Variants in EPHB1 observed in about 807,000 individuals in gnomAD.
The protein encoded by EPHB1 is EPH receptor B1.
In EPHB1, 30 loss-of-function variants were observed where a neutral mutation model predicts 94.4. That is an observed-to-expected ratio of 0.32 (90% CI 0.24 to 0.43). The LOEUF (loss-of-function observed/expected upper bound fraction) is 0.43. Ranked by LOEUF, EPHB1 falls within the 20% of genes least tolerant of loss-of-function variation. EPHB1 has a pLI of 1.00. For missense variants in EPHB1, 1,055 were observed against 1,308.3 expected (o/e 0.81, Z 2.99); for synonymous variants, 522 against 489.1 (o/e 1.07, Z -0.89).
intron 12 of EPHB1, among the ~76,000 whole-genome samples, chr3:135,218,266 T>C (rs1163274235): frequency 6.6e-6 from 1 of 152,196 alleles, no homozygotes; most frequent in African/African-American, 2.4e-5. Flanking sequence ...CAAATGCCAC[T>C]CTATCCCCTT....
At chr3:134,880,876 G>A (rs532870848) in intron 1 of EPHB1, among the ~76,000 whole-genome samples, 24 of 152,358 alleles carry the variant, frequency 1.6e-4, no homozygotes, top group African/African-American at 5.8e-4. Flanking sequence ...TTTTAAGAGG[G>A]ATGGAATATT....
At chr3:135,161,594 G>T (rs1941507985) in intron 6 of EPHB1, among the ~76,000 whole-genome samples, 2 of 152,196 alleles carry the variant, frequency 1.3e-5, no homozygotes, top group South Asian at 4.1e-4. Context: ...CAACTCAGCA[G>T]AAGCAAGACA....
intron 3 of EPHB1, among the ~76,000 whole-genome samples, chr3:134,972,061 T>G (rs1416724246): frequency 3.3e-5 from 5 of 152,136 alleles, no homozygotes; most frequent in Non-Finnish European, 7.3e-5. Context: ...ATGTCTTCCT[T>G]AAGTGAAGGT....
chr3:134,873,908 C>A (rs2037555480), intron 1 of EPHB1, among the ~76,000 whole-genome samples: 1 of 152,050 alleles, frequency 6.6e-6, no homozygotes, highest in Admixed American at 6.5e-5. Flanking sequence ...GGTCATGGGG[C>A]AGTAGTTTGT....
intron 12 of EPHB1, among the ~76,000 whole-genome samples, chr3:135,231,885 G>T (rs1267433135): frequency 2.0e-5 from 3 of 152,110 alleles, no homozygotes; most frequent in Admixed American, 6.5e-5. Flanking sequence ...TCTGTATGTT[G>T]CATCATAATC....
intron 12 of EPHB1, among the ~76,000 whole-genome samples, chr3:135,202,298 T>C (rs1942779849): frequency 6.6e-6 from 1 of 152,134 alleles, no homozygotes; most frequent in South Asian, 2.1e-4. Context: ...GGATTTACTC[T>C]CCAATATCCT....
chr3:135,133,631 T>C (rs1233783489), intron 5 of EPHB1, among the ~76,000 whole-genome samples: 1 of 152,138 alleles, frequency 6.6e-6, no homozygotes, highest in Non-Finnish European at 1.5e-5. Flanking sequence ...TTCTCCTTTA[T>C]AGCTTGCTCT....
intron 1 of EPHB1, among the ~76,000 whole-genome samples, chr3:134,842,195 G>A (rs187053414): frequency 1.2e-4 from 18 of 152,326 alleles, no homozygotes; most frequent in Admixed American, 1.0e-3. Flanking sequence ...AGAAGTTGCT[G>A]TCTATGAATC....
At chr3:135,021,601 G>A (rs995963311) in intron 3 of EPHB1, among the ~76,000 whole-genome samples, 1 of 148,384 alleles carries the variant, frequency 6.7e-6, no homozygotes, top group African/African-American at 2.5e-5. Flanking sequence ...TAATCATACT[G>A]TCCAAAGCGA....
At chr3:134,890,248 T>G (rs2037952540) in intron 1 of EPHB1, among the ~76,000 whole-genome samples, 1 of 152,200 alleles carries the variant, frequency 6.6e-6, no homozygotes, top group South Asian at 2.1e-4. Flanking sequence ...GTTTATAAAT[T>G]TTATATAAAT....
intron 3 of EPHB1, among the ~76,000 whole-genome samples, chr3:135,057,986 A>G (rs189478921): frequency 1.3e-5 from 2 of 152,340 alleles, no homozygotes; most frequent in African/African-American, 2.4e-5. Context: ...ATACTGAAAC[A>G]TTGGGATTTT....
At chr3:135,100,074 A>G (rs972338690) in intron 3 of EPHB1, among the ~76,000 whole-genome samples, 3 of 152,158 alleles carry the variant, frequency 2.0e-5, no homozygotes, top group African/African-American at 7.2e-5. Flanking sequence ...CATTTGGGGA[A>G]AAAAATAGAT....
intron 1 of EPHB1, among the ~76,000 whole-genome samples, chr3:134,840,974 T>G (rs1283602288): frequency 6.6e-6 from 1 of 152,230 alleles, no homozygotes; most frequent in East Asian, 1.9e-4. Context: ...GCAGGTGTTA[T>G]TAAGAAGGGT....
chr3:135,115,080 C>T (rs1350036292), intron 4 of EPHB1, among the ~76,000 whole-genome samples: 6 of 152,300 alleles, frequency 3.9e-5, no homozygotes, highest in South Asian at 4.1e-4. Context: ...AAGTTCTTGT[C>T]GGTCCTTCCT....
intron 3 of EPHB1, among the ~76,000 whole-genome samples, chr3:135,007,346 C>T (rs1935456963): frequency 6.6e-6 from 1 of 152,180 alleles, no homozygotes; most frequent in Non-Finnish European, 1.5e-5. Context: ...TGGTGGTCTC[C>T]AGCCCCTAAT....
chr3:135,237,280 A>G (rs1308046242), intron 12 of EPHB1, among the ~76,000 whole-genome samples: 1 of 25,172 alleles, frequency 4.0e-5, no homozygotes, highest in East Asian at 1.1e-3. Context: ...CAAATTCTAC[A>G]CACACACACA....
intron 3 of EPHB1, among the ~76,000 whole-genome samples, chr3:134,975,093 G>C (rs1429005673): frequency 2.0e-5 from 3 of 152,110 alleles, no homozygotes; most frequent in Admixed American, 2.0e-4. Flanking sequence ...GTTTCAAAAA[G>C]CCGGCATTGA....
intron 1 of EPHB1, among the ~76,000 whole-genome samples, chr3:134,825,049 C>T (rs543974205): frequency 5.3e-5 from 8 of 152,310 alleles, no homozygotes; most frequent in South Asian, 2.1e-4. Context: ...GTAAATTTTG[C>T]GGGTAATTTG....
At chr3:135,002,334 T>A (rs1245638723) in intron 3 of EPHB1, among the ~76,000 whole-genome samples, 2 of 152,236 alleles carry the variant, frequency 1.3e-5, no homozygotes, top group Non-Finnish European at 2.9e-5. Context: ...TTTGATGTGC[T>A]GCTGGATTCG....
Sources: gnomAD v4.1 joint callset for allele counts (sites outside exome capture counted in the v4.1 genomes callset) on GRCh38, gnomAD v4.1.1 for gene constraint, MANE v1.5 for transcripts, NCBI Gene and HGNC (gene_info 2026-07-23, HGNC 2026-07-21) for gene names.